KCNH7: variants seen among roughly 807,000 people sequenced by gnomAD.
KCNH7 encodes the protein voltage-gated inwardly rectifying potassium channel KCNH7.
Under a neutral mutation model 120.8 loss-of-function variants are expected in KCNH7, and 49 were observed. That is an observed-to-expected ratio of 0.41 (90% CI 0.32 to 0.51). The LOEUF (loss-of-function observed/expected upper bound fraction) is 0.51. KCNH7 is among the 20% of genes least tolerant of loss of function. The pLI, the probability that KCNH7 is intolerant of heterozygous loss-of-function variation, is 0.38. For synonymous variants in KCNH7, 547 were observed against 516.1 expected (o/e 1.06, Z -0.81); for missense variants, 1,097 against 1,446.6 (o/e 0.76, Z 3.92).
In KCNH7 at chr2:162,501,797, A is replaced by G. The variant is rs116796104; in HGVS notation, c.1128+2646T>C. 6.0e-3 allele frequency among the ~76,000 whole-genome samples: 920 copies of G among 152,170 alleles called. 9 individuals are homozygous for G. Among genetic ancestry groups the G allele is most frequent in the African/African-American group, 0.021 (861 of 41,554 alleles). ...CCTATTCTGAAAGGTCCCACCTCCA[A>G]ATGCCATCATGCTGGTGATTATGTT... is the stretch of plus-strand genomic sequence containing the variant. On this transcript the variant is annotated intron_variant, in intron 6 of 15. Transcript: ENST00000332142.
At chr2:162,684,175 T>A (rs534841987) in intron 2 of KCNH7, among the ~76,000 whole-genome samples, 2 of 152,148 alleles carry the variant, frequency 1.3e-5, no homozygotes, top group Non-Finnish European at 2.9e-5. Context: ...GACCCCTTCC[T>A]TACCCCTTAT....
chr2:162,438,291 C>A (rs1355218481), intron 7 of KCNH7, among the ~76,000 whole-genome samples: 1 of 152,120 alleles, frequency 6.6e-6, no homozygotes, highest in Non-Finnish European at 1.5e-5. Context: ...GCTGTGCATG[C>A]AACCTTCCTT....
At chr2:162,469,832 G>C (rs900725537) in intron 6 of KCNH7, among the ~76,000 whole-genome samples, 34 of 152,092 alleles carry the variant, frequency 2.2e-4, no homozygotes, top group Non-Finnish European at 2.9e-4. Flanking sequence ...TCAGCCTACC[G>C]AGTGCCTGCG....
chr2:162,697,432 T>C (rs1012575405), intron 2 of KCNH7, among the ~76,000 whole-genome samples: 1 of 152,090 alleles, frequency 6.6e-6, no homozygotes. Flanking sequence ...TTAAACACAT[T>C]GTAAATTGAT....
chr2:162,603,355 C>A (rs1694625102), intron 2 of KCNH7, among the ~76,000 whole-genome samples: 2 of 151,792 alleles, frequency 1.3e-5, no homozygotes, highest in Admixed American at 6.6e-5. Flanking sequence ...TAATGTTGTT[C>A]CCTCATTCTC....
chr2:162,445,193 G>T (rs767573853), intron 7 of KCNH7, among the ~76,000 whole-genome samples: 8 of 152,130 alleles, frequency 5.3e-5, no homozygotes, highest in Non-Finnish European at 1.0e-4. Context: ...AGAGGAGGTG[G>T]TCTCCTCTTT....
chr2:162,792,117 C>CT (rs1683968054), intron 2 of KCNH7, among the ~76,000 whole-genome samples: 1 of 152,122 alleles, frequency 6.6e-6, no homozygotes, highest in Non-Finnish European at 1.5e-5. Flanking sequence ...ACCAAACTTG[C>CT]ATCCCAGGGA....
At chr2:162,661,169 G>A (rs1468746493) in intron 2 of KCNH7, among the ~76,000 whole-genome samples, 2 of 152,170 alleles carry the variant, frequency 1.3e-5, no homozygotes, top group East Asian at 1.9e-4. Context: ...TTATAGCTCA[G>A]TTGCTACCTC....
chr2:162,706,286 A>C (rs1186169600), intron 2 of KCNH7, among the ~76,000 whole-genome samples: 1 of 152,126 alleles, frequency 6.6e-6, no homozygotes, highest in Non-Finnish European at 1.5e-5. Flanking sequence ...AAAATCTATA[A>C]TCTCCATAAA....
At chr2:162,659,143 T>C (rs1044494389) in intron 2 of KCNH7, among the ~76,000 whole-genome samples, 1 of 152,196 alleles carries the variant, frequency 6.6e-6, no homozygotes, top group Admixed American at 6.5e-5. Flanking sequence ...TTACCTTCTA[T>C]TGCTAGTTTG....
chr2:162,645,907 C>T (rs562655921), intron 2 of KCNH7, among the ~76,000 whole-genome samples: 21 of 74,184 alleles, frequency 2.8e-4, no homozygotes, highest in South Asian at 7.8e-4. Context: ...ACACATCTCT[C>T]GATCTACACA....
intron 6 of KCNH7, among the ~76,000 whole-genome samples, chr2:162,484,254 G>C (rs199563613): frequency 1.1e-4 from 17 of 148,124 alleles, no homozygotes; most frequent in Admixed American, 1.0e-3. Context: ...CACACAGAGA[G>C]ACACACACAC....
intron 2 of KCNH7, among the ~76,000 whole-genome samples, chr2:162,660,467 G>C (rs181292194): frequency 2.0e-5 from 3 of 152,204 alleles, no homozygotes; most frequent in Admixed American, 2.0e-4. Flanking sequence ...TGTGGTCTGA[G>C]AGTATCCATT....
chr2:162,743,450 A>G (rs1359680231), intron 2 of KCNH7, among the ~76,000 whole-genome samples: 1 of 152,186 alleles, frequency 6.6e-6, no homozygotes, highest in Non-Finnish European at 1.5e-5. Flanking sequence ...AGTCAAAATT[A>G]TATTAAATAA....
chr2:162,591,950 AG>A (rs1380586810), intron 2 of KCNH7, among the ~76,000 whole-genome samples: 2 of 152,082 alleles, frequency 1.3e-5, no homozygotes, highest in African/African-American at 4.8e-5. Context: ...TAACTTTCTG[AG>A]AAAAATTTTT....
intron 2 of KCNH7, among the ~76,000 whole-genome samples, chr2:162,733,853 T>C (rs1687812737): frequency 6.6e-6 from 1 of 152,188 alleles, no homozygotes; most frequent in Admixed American, 6.5e-5. Context: ...GTATAAATAT[T>C]TCCTCCTTAG....
chr2:162,537,905 T>C (rs1046592134), intron 2 of KCNH7, among the ~76,000 whole-genome samples: 14 of 152,194 alleles, frequency 9.2e-5, no homozygotes, highest in Middle Eastern at 3.4e-3. Flanking sequence ...AGACTTCTTT[T>C]AAATCAACTG....
chr2:162,551,686 ACG>A (rs1692673120), intron 2 of KCNH7, among the ~76,000 whole-genome samples: 5 of 152,194 alleles, frequency 3.3e-5, no homozygotes, highest in Non-Finnish European at 7.3e-5. Flanking sequence ...AATGTATTGC[ACG>A]TATTGGACAA....
At chr2:162,815,596 G>A (rs1410729109) in intron 2 of KCNH7, among the ~76,000 whole-genome samples, 1 of 152,216 alleles carries the variant, frequency 6.6e-6, no homozygotes, top group Non-Finnish European at 1.5e-5. Flanking sequence ...TACACAGACT[G>A]GAAGGCAAGG....
Sources: gnomAD v4.1 joint callset for allele counts (sites outside exome capture counted in the v4.1 genomes callset) on GRCh38, gnomAD v4.1.1 for gene constraint, MANE v1.5 for transcripts, NCBI Gene and HGNC (gene_info 2026-07-23, HGNC 2026-07-21) for gene names.